The following ERCC6L variants were observed in gnomAD, a reference collection of about 807,000 sequenced individuals.
ERCC6L encodes DNA excision repair protein ERCC-6-like.
In ERCC6L, 7 loss-of-function variants were observed where a neutral mutation model predicts 20.1. The observed-to-expected ratio is 0.35, with a 90% CI of 0.20 to 0.65. The LOEUF (loss-of-function observed/expected upper bound fraction) is 0.65. ERCC6L is among the 30% of genes least tolerant of loss of function. The pLI, the probability that ERCC6L is intolerant of heterozygous loss-of-function variation, is 0.69. For missense variants in ERCC6L, 592 were observed against 892.4 expected (o/e 0.66, Z 4.29); for synonymous variants, 278 against 331.3 (o/e 0.84, Z 1.75).
chrX:72,232,416 C>CA (rs11302655), intron 1 of ERCC6L, among the ~76,000 whole-genome samples: 143 of 35,002 alleles, frequency 4.1e-3, no homozygotes, highest in Non-Finnish European at 5.1e-3. Flanking sequence ...AGACCTGCCT[C>CA]AAAAAAAAAA....
At chrX:72,230,099 C>T (rs1476944210) in intron 1 of ERCC6L, among the ~76,000 whole-genome samples, 4 of 109,313 alleles carry the variant, frequency 3.7e-5, no homozygotes, top group African/African-American at 6.7e-5. Flanking sequence ...GGCATGAACC[C>T]GGGAGGAGGA....
Position 72,205,326 on chromosome X carries a change from G to T in ERCC6L, c.3441C>A (p.Ser1147=), listed in dbSNP as rs140206006. 2 of 1,211,794 alleles carry T rather than the reference G, an allele frequency of 1.7e-6. No homozygotes were observed. Among genetic ancestry groups the T allele is most frequent in the Non-Finnish European group, 2.2e-6 (2 of 895,470 alleles). The change falls in exon 2 of 2, where the codon TCC becomes TCA. Residue 1147 remains serine, a synonymous_variant. Transcript: ENST00000334463. ...EASKYTEEDP[S]GETLSSENKS... is the part of the protein sequence containing the mutation. ...TGTTTTCTGAAGACAGTGTTTCTCC[G>T]GAAGGATCCTCTTCTGTATACTTGG... is the stretch of plus-strand genomic sequence containing the variant.
At chrX:72,220,366 G>A (rs1280023667) in intron 1 of ERCC6L, among the ~76,000 whole-genome samples, 1 of 111,594 alleles carries the variant, frequency 9.0e-6, no homozygotes, top group Admixed American at 9.5e-5. Context: ...CAGGAGCATC[G>A]GCATCTTGGA....
intron 1 of ERCC6L, among the ~76,000 whole-genome samples, chrX:72,209,329 C>T (rs1038469638): frequency 1.8e-5 from 2 of 112,107 alleles, no homozygotes; most frequent in Non-Finnish European, 3.8e-5. Flanking sequence ...TCAAGCTCTA[C>T]TCTAGACCCA....
intron 1 of ERCC6L, among the ~76,000 whole-genome samples, chrX:72,215,497 AAAG>A (rs1258271498): frequency 8.9e-6 from 1 of 112,108 alleles, no homozygotes; most frequent in Non-Finnish European, 1.9e-5. Context: ...TATCCTAAAA[AAAG>A]AAGATGGATT....
At chrX:72,216,257 A>G (rs140817121) in intron 1 of ERCC6L, among the ~76,000 whole-genome samples, 348 of 109,196 alleles carry the variant, frequency 3.2e-3, no homozygotes, top group Non-Finnish European at 5.7e-3. Flanking sequence ...GGAGTGACGC[A>G]TCTACAAGCC....
In ERCC6L at chrX:72,205,938, T is replaced by C; in HGVS notation, c.2829A>G (p.Ser943=). ...ASEAKLEEEP[S]ASSPQYACDF... The stretch of plus-strand genomic sequence containing the variant: ...CACATGCATACTGTGGTGAAGATGC[T>C]GAAGGTTCCTCTTCCAACTTGGCCT... Residue 943 remains serine (S), a synonymous_variant, in exon 2 of 2, where the codon TCA becomes TCG. Transcript: ENST00000334463. The C allele has an allele frequency of 8.3e-7, 1 of 1,211,333 alleles. No individual in the cohort carries two copies. Among genetic ancestry groups the C allele is most frequent in the African/African-American group, 1.7e-5 (1 of 57,942 alleles).
chrX:72,217,894 T>C (rs1169663088), intron 1 of ERCC6L, among the ~76,000 whole-genome samples: 1 of 112,012 alleles, frequency 8.9e-6, no homozygotes, highest in Admixed American at 9.5e-5. Flanking sequence ...CACACTGTCT[T>C]GACTACTGTA....
rs142293032 is a variant in ERCC6L at position 72,207,966 on chromosome X, T to C, written c.801A>G (p.Leu267=). The change falls in exon 2 of 2, where the codon CTA becomes CTG. Residue 267 remains leucine (L), a synonymous_variant. Coordinates refer to ENST00000334463, the MANE Select transcript of ERCC6L (RefSeq NM_017669.4). ...GTPIQNNLQE[L]WSLFDFACQG... Reference sequence around the variant, plus strand: ...GACAAGCAAAATCAAATAGGGACCATAGTTCTTGTAAATTATTCTGGATTG... The same window carrying C: ...GACAAGCAAAATCAAATAGGGACCACAGTTCTTGTAAATTATTCTGGATTG... 8 of 1,209,445 alleles carry C rather than the reference T, an allele frequency of 6.6e-6. No individual in the cohort carries two copies. The highest frequency in any genetic ancestry group is 7.8e-6 in the Non-Finnish European group (7 of 895,024).
At position 72,206,576 on chromosome X, in the gene ERCC6L, G is replaced by A; in HGVS notation, c.2191C>T (p.Leu731=). The A allele has an allele frequency of 8.3e-7, 1 of 1,211,178 alleles. No homozygotes were observed. The change falls in exon 2 of 2, where the codon CTA becomes TTA. Residue 731 remains leucine (L), a synonymous_variant. Transcript: ENST00000334463. ...QQRTRNEGAW[L]REPVFPSSTK... is the part of the protein sequence containing the mutation. ...GAAGAAGGAAATACAGGTTCTCTTA[G>A]CCAGGCCCCCTCATTTCTAGTTCTT...
In ERCC6L at chrX:72,207,635, C is replaced by T; in HGVS notation, c.1132G>A (p.Glu378Lys). ...GACACAAATTTCCTGTATATTTCTT[C>T]TTGTAAAGGCACAAGTCGTATCCAA... The part of the protein sequence containing the change: ...IIWIRLVPLQ[E>K]EIYRKFVSLD... The change falls in exon 2 of 2, where the codon GAA (glutamate) becomes AAA (lysine). Residue 378 changes from glutamate (E) to lysine (K), a missense_variant. Physicochemically the swap from Glu to Lys is moderately conservative, Grantham distance 56. Around this residue, in one of 3 missense-constraint regions of ERCC6L, gnomAD observed 196 missense variants for 440.1 expected, o/e 0.45. Transcript: ENST00000334463. The T allele has an allele frequency of 8.3e-7, 1 of 1,210,488 alleles. No individual in the cohort carries two copies. The highest frequency in any genetic ancestry group is 1.1e-6 in the Non-Finnish European group (1 of 894,848).
intron 1 of ERCC6L, among the ~76,000 whole-genome samples, chrX:72,234,623 G>A (rs1354149647): frequency 3.6e-5 from 4 of 111,178 alleles, no homozygotes; most frequent in African/African-American, 6.5e-5. Flanking sequence ...TTGGTGGGCT[G>A]AAGTCCTTAT....
At position 72,206,319 on chromosome X, in the gene ERCC6L, C is replaced by G; in HGVS notation, c.2448G>C (p.Lys816Asn). The change falls in exon 2 of 2, where the codon AAG (lysine) becomes AAC (asparagine). Residue 816 changes from lysine to asparagine, a missense_variant. This residue lies in a region of ERCC6L where 352 missense variants were observed against 402.6 expected (regional missense o/e 0.87). Transcript: ENST00000334463. ...GSADSIATLP[K>N]GFGSVEELCT... ...AAAGTTCTTCTACACTTCCAAACCCCTTTGGTAAAGTAGCTATAGAGTCAG... is the reference window on the plus strand; with the variant it reads ...AAAGTTCTTCTACACTTCCAAACCCGTTTGGTAAAGTAGCTATAGAGTCAG... The G allele has an allele frequency of 1.7e-6, 2 of 1,209,474 alleles. No individual in the cohort carries two copies. The highest frequency in any genetic ancestry group is 2.2e-6 in the Non-Finnish European group (2 of 894,337).
chrX:72,229,921 G>A lies in ERCC6L; in HGVS notation c.68+8923C>T, dbSNP rs375562047. Among the ~76,000 whole-genome samples, 22 of 111,731 alleles carry A rather than the reference G, an allele frequency of 2.0e-4. No individual in the cohort carries two copies. In the East Asian group the frequency reaches 4.2e-3, roughly 21 times the overall value. ...AAAGTCCAAGACCTTGGCCAGGCAC[G>A]GTGGCTCACGCCTGTAATCCCAGCA... On this transcript the variant is annotated intron_variant, in intron 1 of 1. Transcript: ENST00000334463.
At chrX:72,217,149 T>G (rs910763939) in intron 1 of ERCC6L, among the ~76,000 whole-genome samples, 4 of 111,986 alleles carry the variant, frequency 3.6e-5, no homozygotes, top group Non-Finnish European at 5.6e-5. Context: ...GGAGGATGCT[T>G]CCTTCCTGTT....
At chrX:72,238,823 C>G (rs1391589297) in intron 1 of ERCC6L, 21 bp downstream of exon 1, 1 of 1,174,105 alleles carries the variant, frequency 8.5e-7, no homozygotes, top group Non-Finnish European at 1.1e-6. Flanking sequence ...TAGCTAGACC[C>G]GCCCAGCGGT....
chrX:72,228,715 C>T (rs2042966836), intron 1 of ERCC6L, among the ~76,000 whole-genome samples: 1 of 111,268 alleles, frequency 9.0e-6, no homozygotes, highest in Admixed American at 9.6e-5. Flanking sequence ...CAGGACTTTA[C>T]TCTTACCCAA....
At position 72,208,161 on chromosome X, in the gene ERCC6L, G is replaced by A. The variant is rs751239411; in HGVS notation, c.606C>T (p.Tyr202=). The A allele has an allele frequency of 2.2e-5, 27 of 1,210,039 alleles. No individual in the cohort carries two copies. Among genetic ancestry groups the A allele is most frequent in the Non-Finnish European group, 3.0e-5 (27 of 895,260 alleles). ...GCTGCCAGTTATTGATTAACATTTG[G>A]TATGTAGTGATAATAACACCATTCC... The part of the protein sequence containing the change: ...QQRNGVIITT[Y]QMLINNWQQL... Residue 202 remains tyrosine, a synonymous_variant, in exon 2 of 2, where the codon TAC becomes TAT. Coordinates refer to ENST00000334463, the MANE Select transcript of ERCC6L (RefSeq NM_017669.4).
At chrX:72,231,062 C>G (rs2042980594) in intron 1 of ERCC6L, among the ~76,000 whole-genome samples, 1 of 112,230 alleles carries the variant, frequency 8.9e-6, no homozygotes, top group Non-Finnish European at 1.9e-5. Flanking sequence ...ATCCAGCAAT[C>G]TCACTTCTGG....
Sources: gnomAD v4.1 joint callset for allele counts (sites outside exome capture counted in the v4.1 genomes callset) on GRCh38, gnomAD v4.1.1 for gene constraint, gnomAD v4.1.1 regional missense constraint, MANE v1.5 for transcripts, NCBI Gene and HGNC (gene_info 2026-07-23, HGNC 2026-07-21) for gene names.